The following USP9X variants were observed in gnomAD, a reference collection of about 807,000 sequenced individuals.
The protein encoded by USP9X is ubiquitin carboxyl-terminal hydrolase 9X.
A neutral mutation model predicts 190.3 loss-of-function variants in USP9X; 7 were observed. The ratio of observed to expected loss-of-function variants is 0.04; its 90% CI spans 0.02 to 0.07. USP9X has a LOEUF of 0.07. USP9X is among the 10% of genes least tolerant of loss of function. The pLI is 1.00. For synonymous variants in USP9X, 645 were observed against 659.5 expected (o/e 0.98, Z 0.34); for missense variants, 1,010 against 1,916.9 (o/e 0.53, Z 8.83).
intron 14 of USP9X, among the ~76,000 whole-genome samples, chrX:41,159,940 A>G (rs1441830473): frequency 9.0e-6 from 1 of 111,272 alleles, no homozygotes. Flanking sequence ...GATTGTGATG[A>G]TGATTATACA....
chrX:41,170,414 G>A (rs186302060), intron 19 of USP9X, 56 bp from the exon 20 acceptor site: 1 of 1,170,274 alleles, frequency 8.5e-7, no homozygotes, highest in East Asian at 3.0e-5. Flanking sequence ...TAAGTTTTGT[G>A]TTTTGTGTAA....
At chrX:41,176,665 C>T (rs1414251800) in intron 21 of USP9X, among the ~76,000 whole-genome samples, 1 of 112,235 alleles carries the variant, frequency 8.9e-6, no homozygotes, top group African/African-American at 3.2e-5. Flanking sequence ...CACATCTACC[C>T]AGCTGAGGGG....
At chrX:41,125,684 ACTCTCTCT>A (rs1555918325) in intron 2 of USP9X, among the ~76,000 whole-genome samples, 3 of 19,027 alleles carry the variant, frequency 1.6e-4, no homozygotes, top group East Asian at 1.9e-3. Context: ...ACACACACAC[ACTCTCTCT>A]CTCTCTCTCT....
At chrX:41,106,109 C>T (rs376708705) in intron 1 of USP9X, among the ~76,000 whole-genome samples, 3 of 111,780 alleles carry the variant, frequency 2.7e-5, no homozygotes, top group Admixed American at 9.5e-5. Flanking sequence ...CAGTGTTCTT[C>T]GGAGCACAGA....
intron 26 of USP9X, 79 bp from the exon 27 acceptor site, chrX:41,196,172 C>T: frequency 3.6e-6 from 4 of 1,112,106 alleles, no homozygotes; most frequent in Non-Finnish European, 4.9e-6. Context: ...CCCACCTCTC[C>T]TCCCCAAGAG....
chrX:41,216,096 G>A lies in USP9X; in HGVS notation c.5529G>A (p.Glu1843=), dbSNP rs1324171150. ...AKLEGDNVNP[E]SQLIQQSEQS... is the part of the protein sequence containing the mutation. Reference sequence around the variant, plus strand: ...TGGAAGGGGATAATGTAAACCCAGAGAGTCAGTTGATACAACAGAGTGAGC... The same window carrying A: ...TGGAAGGGGATAATGTAAACCCAGAAAGTCAGTTGATACAACAGAGTGAGC... The change falls in exon 35 of 45, where the codon GAG becomes GAA. Residue 1843 remains glutamate, a synonymous_variant. Transcript: ENST00000378308. The A allele has an allele frequency of 8.3e-7, 1 of 1,209,915 alleles. No individual in the cohort carries two copies. The highest frequency in any genetic ancestry group is 1.8e-5 in the African/African-American group (1 of 57,127).
chrX:41,115,644 A>C, intron 1 of USP9X, among the ~76,000 whole-genome samples: 1 of 112,335 alleles, frequency 8.9e-6, no homozygotes, highest in Non-Finnish European at 1.9e-5. Flanking sequence ...AAAAGCAGAG[A>C]TATTTGATGC....
intron 16 of USP9X, among the ~76,000 whole-genome samples, chrX:41,166,678 T>C (rs775824409): frequency 2.1e-4 from 23 of 111,996 alleles, no homozygotes; most frequent in Non-Finnish European, 4.3e-4. Context: ...TAAAATACTA[T>C]CTTTTTAAGG....
intron 1 of USP9X, among the ~76,000 whole-genome samples, chrX:41,087,054 A>G (rs1014639287): frequency 8.9e-6 from 1 of 112,845 alleles, no homozygotes; most frequent in Non-Finnish European, 1.9e-5. Context: ...TAAATTAAGC[A>G]TGTTATTTTT....
At chrX:41,117,315 A>G (rs959013482) in intron 1 of USP9X, among the ~76,000 whole-genome samples, 1 of 111,922 alleles carries the variant, frequency 8.9e-6, no homozygotes, top group African/African-American at 3.2e-5. Context: ...AGTTATCCAC[A>G]TGATACTTTT....
At chrX:41,095,508 C>T (rs755680705) in intron 1 of USP9X, among the ~76,000 whole-genome samples, 89 of 112,172 alleles carry the variant, frequency 7.9e-4, no homozygotes, top group African/African-American at 2.8e-3. Flanking sequence ...CCAGTTGTGC[C>T]CTGGGGGCAA....
intron 1 of USP9X, among the ~76,000 whole-genome samples, chrX:41,114,587 T>G (rs1276111237): frequency 3.7e-5 from 4 of 108,079 alleles, no homozygotes; most frequent in Non-Finnish European, 5.8e-5. Flanking sequence ...TTCAAGCGAT[T>G]CTCTGCCTCA....
intron 33 of USP9X, among the ~76,000 whole-genome samples, chrX:41,213,513 A>G (rs899705000): frequency 8.9e-6 from 1 of 111,900 alleles, no homozygotes; most frequent in Non-Finnish European, 1.9e-5. Context: ...TTTTCAGCTT[A>G]TGATATTTTC....
intron 11 of USP9X, among the ~76,000 whole-genome samples, chrX:41,147,229 C>T (rs2062474187): frequency 9.4e-6 from 1 of 106,447 alleles, no homozygotes; most frequent in African/African-American, 3.4e-5. Context: ...GTGTGCTTTT[C>T]CTTGAGGAGG....
At chrX:41,125,718 T>TCTCTCTCTCTCTCTCGCG (rs1176200100) in intron 2 of USP9X, among the ~76,000 whole-genome samples, 14 of 99,209 alleles carry the variant, frequency 1.4e-4, no homozygotes, top group African/African-American at 5.7e-4. Flanking sequence ...TCTCTCTCTC[T>TCTCTCTCTCTCTCTCGCG]CGCGCACGCG....
chrX:41,229,026 C>A (rs898989626), intron 41 of USP9X: 6 of 253,563 alleles, frequency 2.4e-5, no homozygotes, highest in Non-Finnish European at 4.1e-5. Context: ...GAGGCGTGAA[C>A]CTGGGAGGCA....
chrX:41,128,929 G>A (rs2062282027), intron 2 of USP9X, 71 bp from the exon 3 acceptor site: 1 of 1,095,006 alleles, frequency 9.1e-7, no homozygotes, highest in Non-Finnish European at 1.2e-6. Flanking sequence ...GCTTGTCTAT[G>A]TTGGTGTTTG....
chrX:41,170,310 G>T, intron 19 of USP9X, 75 bp downstream of exon 19: 1 of 1,099,993 alleles, frequency 9.1e-7, no homozygotes, highest in South Asian at 2.1e-5. Flanking sequence ...AATACTAATT[G>T]AGCATTTGTT....
At chrX:41,120,717 C>G (rs975164060) in intron 1 of USP9X, among the ~76,000 whole-genome samples, 1 of 110,780 alleles carries the variant, frequency 9.0e-6, no homozygotes, top group South Asian at 3.8e-4. Context: ...CCAGGATGGT[C>G]TTGATCTCCT....
Sources: allele counts gnomAD v4.1 joint callset (sites outside exome capture counted in the v4.1 genomes callset), GRCh38; gene constraint gnomAD v4.1.1; transcripts MANE v1.5; gene names NCBI Gene and HGNC (gene_info 2026-07-23, HGNC 2026-07-21).